Variants in CERS6 observed in about 807,000 individuals in gnomAD.
CERS6 encodes LAG1 homolog, ceramide synthase 6.
A neutral mutation model predicts 56.8 loss-of-function variants in CERS6; 26 were observed. The observed-to-expected ratio is 0.46, with a 90% CI of 0.34 to 0.63. The LOEUF (loss-of-function observed/expected upper bound fraction) is 0.63. Among genes scored for constraint, CERS6 ranks in the 30% least tolerant of loss-of-function variants. The probability of loss-of-function intolerance (pLI) is 0.01; values close to 1 mark genes in which losing one functional copy is unlikely to be tolerated. For missense variants in CERS6, 415 were observed against 467.5 expected (o/e 0.89, Z 1.04); for synonymous variants, 164 against 173.3 (o/e 0.95, Z 0.42).
chr2:168,578,341 A>C (rs1414658498), intron 3 of CERS6, among the ~76,000 whole-genome samples: 4 of 152,136 alleles, frequency 2.6e-5, no homozygotes, highest in African/African-American at 7.2e-5. Flanking sequence ...CCATGTTCAT[A>C]AAGTACTTTT....
intron 4 of CERS6, among the ~76,000 whole-genome samples, chr2:168,678,271 G>T (rs955928732): frequency 1.3e-5 from 2 of 152,160 alleles, no homozygotes; most frequent in African/African-American, 2.4e-5. Context: ...TCTGCAGATG[G>T]CCCTTCGCGA....
intron 4 of CERS6, among the ~76,000 whole-genome samples, chr2:168,643,039 G>A (rs1054921712): frequency 6.6e-6 from 1 of 152,208 alleles, no homozygotes; most frequent in African/African-American, 2.4e-5. Flanking sequence ...TATTAGATCC[G>A]AATGGGCGGA....
At chr2:168,728,615 G>A (rs951054754) in intron 8 of CERS6, among the ~76,000 whole-genome samples, 1 of 151,534 alleles carries the variant, frequency 6.6e-6, no homozygotes, top group Non-Finnish European at 1.5e-5. Context: ...TCGAACTCCT[G>A]ACCTCAGGCA....
chr2:168,618,331 A>T (rs1684369250), intron 3 of CERS6, among the ~76,000 whole-genome samples: 1 of 152,230 alleles, frequency 6.6e-6, no homozygotes, highest in Non-Finnish European at 1.5e-5. Context: ...CAAGGCAAGG[A>T]TGCCCACTTT....
At chr2:168,543,033 T>C (rs1433098862) in intron 1 of CERS6, among the ~76,000 whole-genome samples, 1 of 152,212 alleles carries the variant, frequency 6.6e-6, no homozygotes, top group Admixed American at 6.5e-5. Context: ...ACCACACTAC[T>C]GCCCAGTGCT....
At chr2:168,666,274 G>A (rs1685759330) in intron 4 of CERS6, among the ~76,000 whole-genome samples, 1 of 152,156 alleles carries the variant, frequency 6.6e-6, no homozygotes, top group South Asian at 2.1e-4. Flanking sequence ...GTCATGGAGA[G>A]TAGCATTGTT....
intron 4 of CERS6, among the ~76,000 whole-genome samples, chr2:168,636,518 A>C (rs1172636691): frequency 6.6e-6 from 1 of 152,044 alleles, no homozygotes; most frequent in Non-Finnish European, 1.5e-5. Context: ...GGGAAAAGAG[A>C]GGTGGTCTCT....
At chr2:168,622,594 C>T (rs1684498747) in intron 3 of CERS6, among the ~76,000 whole-genome samples, 2 of 152,150 alleles carry the variant, frequency 1.3e-5, no homozygotes, top group Admixed American at 1.3e-4. Context: ...GACTCTTCTA[C>T]CCAAATTAAG....
intron 8 of CERS6, among the ~76,000 whole-genome samples, chr2:168,758,033 C>G (rs887575758): frequency 2.0e-5 from 3 of 152,134 alleles, no homozygotes; most frequent in African/African-American, 7.2e-5. Flanking sequence ...CTTAATTACC[C>G]GACTTTCAGG....
chr2:168,524,503 A>G (rs1462766971), intron 1 of CERS6, among the ~76,000 whole-genome samples: 1 of 152,206 alleles, frequency 6.6e-6, no homozygotes, highest in Non-Finnish European at 1.5e-5. Context: ...GGAGACTCAG[A>G]TAGAGACGGA....
intron 1 of CERS6, among the ~76,000 whole-genome samples, chr2:168,543,355 G>T (rs375965879): frequency 6.6e-6 from 1 of 151,888 alleles, no homozygotes; most frequent in African/African-American, 2.4e-5. Context: ...TACATTTGTC[G>T]ATGTGTTACC....
At chr2:168,531,443 C>A (rs1221831805) in intron 1 of CERS6, among the ~76,000 whole-genome samples, 1 of 152,140 alleles carries the variant, frequency 6.6e-6, no homozygotes, top group African/African-American at 2.4e-5. Flanking sequence ...GCAGTTGGAC[C>A]AAATGACATA....
chr2:168,688,812 A>G (rs984654919), intron 4 of CERS6, among the ~76,000 whole-genome samples: 1 of 152,118 alleles, frequency 6.6e-6, no homozygotes, highest in African/African-American at 2.4e-5. Flanking sequence ...GCCCAAAAAG[A>G]GGCAGACACT....
chr2:168,465,210 T>A (rs1693849796), intron 1 of CERS6, among the ~76,000 whole-genome samples: 1 of 152,244 alleles, frequency 6.6e-6, no homozygotes, highest in African/African-American at 2.4e-5. Context: ...CAAAATACTG[T>A]AGACTGGATA....
At chr2:168,637,857 G>GT (rs1002738475) in intron 4 of CERS6, among the ~76,000 whole-genome samples, 4 of 151,738 alleles carry the variant, frequency 2.6e-5, no homozygotes, top group African/African-American at 9.7e-5. Context: ...AAATTTGGAG[G>GT]TTTTTTTCAA....
At chr2:168,511,739 TA>T in intron 1 of CERS6, among the ~76,000 whole-genome samples, 1 of 152,350 alleles carries the variant, frequency 6.6e-6, no homozygotes, top group East Asian at 1.9e-4. Context: ...ATTTAAAGTT[TA>T]AAAAATTTGG....
chr2:168,466,083 ATAGG>A (rs2105320742), intron 1 of CERS6, among the ~76,000 whole-genome samples: 1 of 142,040 alleles, frequency 7.0e-6, no homozygotes, highest in Non-Finnish European at 1.5e-5. Flanking sequence ...ATCGTCTGGC[ATAGG>A]TGGGTGGGAG....
At chr2:168,705,688 A>G (rs186759892) in intron 6 of CERS6, among the ~76,000 whole-genome samples, 18 of 152,314 alleles carry the variant, frequency 1.2e-4, no homozygotes, top group African/African-American at 4.3e-4. Context: ...CAAGACCTTT[A>G]TAGTAAATGG....
intron 1 of CERS6, among the ~76,000 whole-genome samples, chr2:168,499,216 A>G (rs896549681): frequency 4.6e-5 from 7 of 152,192 alleles, no homozygotes; most frequent in African/African-American, 1.7e-4. Context: ...CCAGACTGGA[A>G]TGGAGGTGGG....
Sources: allele counts gnomAD v4.1 joint callset (sites outside exome capture counted in the v4.1 genomes callset), GRCh38; gene constraint gnomAD v4.1.1; transcripts MANE v1.5; gene names NCBI Gene and HGNC (gene_info 2026-07-23, HGNC 2026-07-21).